Variants in PDZD2 observed in about 807,000 individuals in gnomAD.
PDZD2 encodes the protein PDZ domain containing 2, also known as PDZ domain-containing protein 2.
PDZD2 carries 90 observed loss-of-function variants against 220.7 expected under a neutral mutation model. That is an observed-to-expected ratio of 0.41 (90% confidence interval 0.34 to 0.49). The LOEUF (loss-of-function observed/expected upper bound fraction) is 0.49. Among genes scored for constraint, PDZD2 ranks in the 20% least tolerant of loss-of-function variants. PDZD2 has a pLI of 0.28. For missense variants in PDZD2, 3,174 were observed against 3,608.5 expected, an observed-to-expected ratio of 0.88 and a Z score of 3.08; for synonymous variants, 1,375 against 1,450.5, an observed-to-expected ratio of 0.95 and a Z score of 1.18.
rs774515148 is a variant in PDZD2, at chr5:31,995,750, C to T, written c.1121+32C>T. 2.0e-5 allele frequency: 31 copies of T among 1,587,842 alleles called. No individual in the cohort carries two copies. In the East Asian group the frequency reaches 5.6e-4, roughly 29 times the overall value. ...AGATAACTCTCCCCTCTCCCCCATCCCTCTGCCTCCTCTCCTTCCCTCTCC... is the reference window on the plus strand; with the variant it reads ...AGATAACTCTCCCCTCTCCCCCATCTCTCTGCCTCCTCTCCTTCCCTCTCC... On this transcript the variant is annotated intron_variant, in intron 4 of 24. Coordinates refer to ENST00000438447, the MANE Select transcript of PDZD2 (RefSeq NM_178140.4).
intron 2 of PDZD2, among the ~76,000 whole-genome samples, chr5:31,917,539 T>G (rs1743798172): frequency 6.6e-6 from 1 of 151,940 alleles, no homozygotes; most frequent in African/African-American, 2.4e-5. Context: ...AAAATAAACA[T>G]TAAATATCCC....
At position 31,865,793 on chromosome 5, in the gene PDZD2, G is replaced by A. The variant is rs569612178; in HGVS notation, c.476+66069G>A. Among the ~76,000 whole-genome samples, 10 of 151,042 alleles carry A rather than the reference G, an allele frequency of 6.6e-5. No homozygotes were observed. In the East Asian group the frequency reaches 1.6e-3, roughly 24 times the overall value. The stretch of plus-strand genomic sequence containing the variant: ...ATTACAGGCGCCCACCACCACGCCC[G>A]GCTAATTTTTTGTATTTTTAGTAGA... On this transcript the variant is annotated intron_variant, in intron 2 of 24. Coordinates refer to ENST00000438447, the MANE Select transcript of PDZD2 (RefSeq NM_178140.4).
At chr5:31,848,707 C>G (rs1232096952) in intron 2 of PDZD2, among the ~76,000 whole-genome samples, 2 of 151,126 alleles carry the variant, frequency 1.3e-5, no homozygotes, top group Non-Finnish European at 2.9e-5. Flanking sequence ...CAAGATCGTG[C>G]CATTGCACTC....
chr5:31,850,563 A>G (rs1757996700), intron 2 of PDZD2, among the ~76,000 whole-genome samples: 1 of 151,510 alleles, frequency 6.6e-6, no homozygotes, highest in Non-Finnish European at 1.5e-5. Flanking sequence ...GTGTTATCAG[A>G]TGAGACTATT....
intron 2 of PDZD2, among the ~76,000 whole-genome samples, chr5:31,814,707 A>G (rs2150247128): frequency 6.6e-6 from 1 of 151,992 alleles, no homozygotes; most frequent in African/African-American, 2.4e-5. Flanking sequence ...AATCCCAGCA[A>G]CTTGGGAGAC....
chr5:32,020,881 A>G lies in PDZD2; in HGVS notation c.1407+10399A>G, dbSNP rs183767775. Reference sequence around the variant, plus strand: ...GGCTGGTCTTGAACTCCTAACCTCAAGTGATCTGCCCACCTCAGCCTCCCA... The same window carrying G: ...GGCTGGTCTTGAACTCCTAACCTCAGGTGATCTGCCCACCTCAGCCTCCCA... On this transcript the variant is annotated intron_variant, in intron 6 of 24. Coordinates refer to ENST00000438447, the MANE Select transcript of PDZD2 (RefSeq NM_178140.4). Among the ~76,000 whole-genome samples, 91 of 151,670 alleles carry G rather than the reference A, an allele frequency of 6.0e-4. 1 individual carries two copies. In the East Asian group the frequency reaches 0.016, roughly 27 times the overall value.
chr5:31,814,534 G>A (rs1755311502), intron 2 of PDZD2, among the ~76,000 whole-genome samples: 1 of 152,108 alleles, frequency 6.6e-6, no homozygotes, highest in South Asian at 2.1e-4. Flanking sequence ...CTAAAGACAT[G>A]GAATTAGCCC....
At chr5:31,797,774 G>A (rs1188774665) in intron 1 of PDZD2, among the ~76,000 whole-genome samples, 3 of 152,190 alleles carry the variant, frequency 2.0e-5, no homozygotes, top group South Asian at 4.1e-4. Context: ...TTTGGTTACT[G>A]AGTAATAAGG....
chr5:31,917,794 G>A (rs546629514), intron 2 of PDZD2, among the ~76,000 whole-genome samples: 23 of 152,302 alleles, frequency 1.5e-4, no homozygotes, highest in African/African-American at 5.5e-4. Flanking sequence ...CCAGGCTGGA[G>A]TGCAATGGCG....
chr5:32,091,219 A>C, intron 20 of PDZD2, 44 bp downstream of exon 20: 1 of 1,406,068 alleles, frequency 7.1e-7, no homozygotes, highest in Non-Finnish European at 9.6e-7. Flanking sequence ...AACTTGTTTC[A>C]TTTTGGAATA....
intron 1 of PDZD2, among the ~76,000 whole-genome samples, chr5:31,760,884 T>C (rs1300521263): frequency 6.6e-6 from 1 of 152,174 alleles, no homozygotes; most frequent in Non-Finnish European, 1.5e-5. Context: ...ATCACGCCAC[T>C]GCACTCCAGC....
At chr5:31,747,345 G>A (rs1561427333) in intron 1 of PDZD2, among the ~76,000 whole-genome samples, 2 of 152,144 alleles carry the variant, frequency 1.3e-5, no homozygotes, top group South Asian at 4.2e-4. Flanking sequence ...AGGAAATGGA[G>A]CGGAGGGAAC....
In PDZD2 at chr5:31,818,397, G is replaced by T. The variant is rs1250696518; in HGVS notation, c.476+18673G>T. Among the ~76,000 whole-genome samples, 11 of 152,170 alleles carry T rather than the reference G, an allele frequency of 7.2e-5. No individual in the cohort carries two copies. In the South Asian group the frequency reaches 1.9e-3, roughly 26 times the overall value. On this transcript the variant is annotated intron_variant, in intron 2 of 24. Coordinates refer to ENST00000438447, the MANE Select transcript of PDZD2 (RefSeq NM_178140.4). The stretch of plus-strand genomic sequence containing the variant: ...TCTCTTTTGAGATCTACAGGATCTA[G>T]ATGTCTCTCATCCACCCTGTGCCTG...
intron 2 of PDZD2, among the ~76,000 whole-genome samples, chr5:31,896,650 G>A (rs1344462851): frequency 6.6e-6 from 1 of 152,190 alleles, no homozygotes; most frequent in African/African-American, 2.4e-5. Context: ...TTAAAATTGT[G>A]TGTGTTACAA....
Position 32,110,853 on chromosome 5 carries a change from A to AAGTT in PDZD2, c.*2720_*2723dup, listed in dbSNP as rs1262943595. ...TGTACATTTTAAAAATGTTGTCACC[A>AAGTT]AGTTATATAAATCCACATCTCTGTA... On this transcript the variant is annotated 3_prime_UTR_variant, in exon 25 of 25. Transcript: ENST00000438447. 7.9e-5 allele frequency: 12 copies of AAGTT among 152,488 alleles called. No individual in the cohort carries two copies. The highest frequency in any genetic ancestry group is 2.4e-4 in the African/African-American group (10 of 41,460). The allele number at this position is 152,488 out of a possible 1,614,324, so 9.4% of individuals were successfully genotyped here.
At chr5:31,673,937 C>T (rs548547932) in intron 1 of PDZD2, among the ~76,000 whole-genome samples, 1 of 152,282 alleles carries the variant, frequency 6.6e-6, no homozygotes, top group East Asian at 1.9e-4. Context: ...CGCCACTGTA[C>T]TCCAGCCTGG....
intron 3 of PDZD2, among the ~76,000 whole-genome samples, chr5:31,985,752 C>T (rs894662731): frequency 5.9e-5 from 9 of 152,010 alleles, no homozygotes; most frequent in South Asian, 4.2e-4. Context: ...CTTAATTAAA[C>T]GTAATAATAC....
chr5:31,779,060 TA>T (rs980116117), intron 1 of PDZD2, among the ~76,000 whole-genome samples: 1 of 152,008 alleles, frequency 6.6e-6, no homozygotes, highest in African/African-American at 2.4e-5. Context: ...CTCTCTTGCT[TA>T]AAAAAAATTA....
At chr5:31,908,368 T>C (rs1742867027) in intron 2 of PDZD2, 1 of 315,592 alleles carries the variant, frequency 3.2e-6, no homozygotes, top group Non-Finnish European at 5.9e-6. Context: ...ATCATGATTA[T>C]CTACTGGGAC....
Sources: gnomAD v4.1 joint callset for allele counts (sites outside exome capture counted in the v4.1 genomes callset) on GRCh38, gnomAD v4.1.1 for gene constraint, MANE v1.5 for transcripts, NCBI Gene and HGNC (gene_info 2026-07-23, HGNC 2026-07-21) for gene names.